ADGRV1: variants seen among roughly 807,000 people sequenced by gnomAD.
ADGRV1 encodes G-protein coupled receptor 98.
A neutral mutation model predicts 596.2 loss-of-function variants in ADGRV1; 359 were observed. The observed-to-expected ratio is 0.60, with a 90% CI of 0.55 to 0.66. ADGRV1 has a LOEUF of 0.66. ADGRV1 is among the 30% of genes least tolerant of loss of function. The pLI, the probability that ADGRV1 is intolerant of heterozygous loss-of-function variation, is 0.00. For synonymous variants in ADGRV1, 2,681 were observed against 2,679.2 expected (o/e 1.00, Z -0.02); for missense variants, 7,274 against 7,575.6 (o/e 0.96, Z 1.48).
chr5:91,107,976 A>G (rs956896742), intron 87 of ADGRV1, among the ~76,000 whole-genome samples: 1 of 152,214 alleles, frequency 6.6e-6, no homozygotes, highest in Non-Finnish European at 1.5e-5. Context: ...AGCTAAGAAT[A>G]AGTAAAAACT....
intron 83 of ADGRV1, among the ~76,000 whole-genome samples, chr5:90,948,149 G>C (rs952419640): frequency 3.3e-5 from 5 of 152,114 alleles, no homozygotes; most frequent in African/African-American, 4.8e-5. Flanking sequence ...AGTTCAGAAA[G>C]TTAAGTAACT....
At chr5:90,687,926 C>G (rs1277128339) in intron 29 of ADGRV1, among the ~76,000 whole-genome samples, 4 of 152,148 alleles carry the variant, frequency 2.6e-5, no homozygotes, top group Non-Finnish European at 5.9e-5. Flanking sequence ...AAGAACATTC[C>G]ATGCTCATGG....
Position 90,846,999 on chromosome 5 carries a change from G to A in ADGRV1, c.17020-1638G>A, listed in dbSNP as rs149592787. 3.6e-3 allele frequency among the ~76,000 whole-genome samples: 550 copies of A among 152,246 alleles called. 9 individuals are homozygous for A. The East Asian group carries it at 0.037, about 10-fold the overall frequency. ...GTCAATTGGTGTATTTACAAACCCT[G>A]AGCTAGACACAGAGTGCTGATTGGT... On this transcript the variant is annotated intron_variant, in intron 78 of 89. Transcript: ENST00000405460.
At chr5:91,040,304 T>G (rs1051807780) in intron 85 of ADGRV1, among the ~76,000 whole-genome samples, 1 of 152,290 alleles carries the variant, frequency 6.6e-6, no homozygotes, top group Non-Finnish European at 1.5e-5. Flanking sequence ...ATTTCAAGCC[T>G]TCTCTGAGAT....
intron 55 of ADGRV1, 61 bp downstream of exon 55, chr5:90,755,246 G>A: frequency 9.2e-7 from 1 of 1,087,980 alleles, no homozygotes; most frequent in Non-Finnish European, 1.3e-6. Context: ...AAGTAAAATT[G>A]TGATGCTCTT....
In ADGRV1 at chr5:90,784,009, T is replaced by A; in HGVS notation, c.13605T>A (p.Ile4535=). 1 of 1,613,064 alleles carries A rather than the reference T, an allele frequency of 6.2e-7. No individual in the cohort carries two copies. The change falls in exon 67 of 90, where the codon ATT becomes ATA. Residue 4535 remains isoleucine (I), a synonymous_variant. Coordinates refer to ENST00000405460, the MANE Select transcript of ADGRV1 (RefSeq NM_032119.4). ...ISIANPNSTM[I]LSLVLERTGG... Reference sequence around the variant, plus strand: ...TTGCTAATCCCAATTCCACAATGATTTTATCACTGGTGCTGGAGCGGACTG... The same window carrying A: ...TTGCTAATCCCAATTCCACAATGATATTATCACTGGTGCTGGAGCGGACTG...
intron 85 of ADGRV1, among the ~76,000 whole-genome samples, chr5:91,060,397 TA>T (rs1310261968): frequency 0.038 from 621 of 16,430 alleles, 5 homozygotes; most frequent in African/African-American, 0.079. Context: ...TATATATATA[TA>T]TTTTTTTTTT....
intron 85 of ADGRV1, among the ~76,000 whole-genome samples, chr5:91,014,136 C>CCACCCACACACACACACACACACACA (rs1782967630): frequency 2.8e-5 from 1 of 35,638 alleles, no homozygotes; most frequent in Admixed American, 3.7e-4. Context: ...TTCACAATTG[C>CCACCCACACACACACACACACACACA]CACACACACA....
chr5:90,759,332 A>C (rs1419280795), intron 57 of ADGRV1, 77 bp from the exon 58 acceptor site: 68 of 1,100,396 alleles, frequency 6.2e-5, no homozygotes, highest in Non-Finnish European at 8.4e-5. Context: ...CTGTGATTAC[A>C]TTATTTCTTT....
intron 77 of ADGRV1, among the ~76,000 whole-genome samples, chr5:90,835,112 A>G (rs1352541381): frequency 6.6e-6 from 1 of 152,152 alleles, no homozygotes; most frequent in African/African-American, 2.4e-5. Flanking sequence ...ATATCTGGAC[A>G]TTGAAGACTT....
chr5:90,609,862 A>G (rs979146935), intron 1 of ADGRV1, among the ~76,000 whole-genome samples: 6 of 152,042 alleles, frequency 3.9e-5, no homozygotes, highest in Admixed American at 3.3e-4. Context: ...CCCATCACTC[A>G]TAGATACTGT....
chr5:90,791,640 T>C (rs942227150), intron 70 of ADGRV1: 3 of 338,520 alleles, frequency 8.9e-6, no homozygotes, highest in South Asian at 4.9e-5. Flanking sequence ...TGCACACCCA[T>C]GGACATGTGT....
Position 90,694,196 on chromosome 5 carries a change from G to T in ADGRV1, c.7440G>T (p.Trp2480Cys), listed in dbSNP as rs1479306494. ...ISPAVNNSDF[W>C]TYRKNMTRVA... ...CAGCTGTCAACAATTCAGACTTCTG[G>T]ACCTACAGGAAAAACATGACCAGGG... Residue 2480 changes from tryptophan (W) to cysteine (C), a missense_variant, in exon 33 of 90, where the codon TGG becomes TGT. Physicochemically the swap from Trp to Cys is radical, Grantham distance 215 (BLOSUM62 -2). Around this residue, in one of 5 missense-constraint regions of ADGRV1, gnomAD observed 3,643 missense variants for 3,809.2 expected, o/e 0.96. Transcript: ENST00000405460. 1 of 1,613,858 alleles carries T rather than the reference G, an allele frequency of 6.2e-7. No homozygotes were observed. The highest frequency in any genetic ancestry group is 1.1e-5 in the South Asian group (1 of 91,076).
At chr5:90,659,501 G>A (rs1769926125) in intron 21 of ADGRV1, among the ~76,000 whole-genome samples, 2 of 152,146 alleles carry the variant, frequency 1.3e-5, no homozygotes, top group Admixed American at 6.5e-5. Context: ...AATCATGCCT[G>A]GGTAAAAGAC....
At position 90,810,429 on chromosome 5, in the gene ADGRV1, C is replaced by T. The variant is rs183633457; in HGVS notation, c.15169C>T (p.Pro5057Ser). Residue 5057 changes from proline (P) to serine (S), a missense_variant, in exon 74 of 90, where the codon CCT (proline) becomes TCT (serine). Pro to Ser is a moderately conservative substitution (Grantham distance 74). Coordinates refer to ENST00000405460, the MANE Select transcript of ADGRV1 (RefSeq NM_032119.4). The part of the protein sequence containing the change: ...GSAKPLEDFE[P>S]VQNGELFFQK... ...CGCCAAGCCACTGGAAGATTTTGAG[C>T]CTGTTCAGAATGGGGAACTGTTTTT... The T allele has an allele frequency of 7.7e-4, 1,248 of 1,613,762 alleles. No homozygotes were observed. Among genetic ancestry groups the T allele is most frequent in the Non-Finnish European group, 9.6e-4 (1,130 of 1,179,764 alleles).
intron 1 of ADGRV1, among the ~76,000 whole-genome samples, chr5:90,560,233 A>C (rs772376164): frequency 2.8e-4 from 43 of 152,252 alleles, no homozygotes; most frequent in Admixed American, 9.1e-4. Flanking sequence ...AAAATATTAT[A>C]TCTCTCAAAT....
At chr5:90,952,069 A>T (rs1777106646) in intron 83 of ADGRV1, among the ~76,000 whole-genome samples, 1 of 152,230 alleles carries the variant, frequency 6.6e-6, no homozygotes, top group Non-Finnish European at 1.5e-5. Context: ...TAAAAGTTGT[A>T]TGTGGCTGTC....
intron 83 of ADGRV1, among the ~76,000 whole-genome samples, chr5:90,903,688 A>G (rs1772055599): frequency 6.6e-6 from 1 of 151,962 alleles, no homozygotes; most frequent in South Asian, 2.1e-4. Flanking sequence ...ATGTTTTCAT[A>G]CAGGCATGCA....
intron 59 of ADGRV1, among the ~76,000 whole-genome samples, chr5:90,769,131 A>G (rs1483360860): frequency 6.6e-6 from 1 of 152,150 alleles, no homozygotes; most frequent in Non-Finnish European, 1.5e-5. Flanking sequence ...AGATGAGGGT[A>G]ATAAGTCCTT....
Sources: gnomAD v4.1 joint callset for allele counts (sites outside exome capture counted in the v4.1 genomes callset) on GRCh38, gnomAD v4.1.1 for gene constraint, gnomAD v4.1.1 regional missense constraint, MANE v1.5 for transcripts, NCBI Gene and HGNC (gene_info 2026-07-23, HGNC 2026-07-21) for gene names.